CSMD1: variants seen among roughly 807,000 people sequenced by gnomAD.
CSMD1 encodes CUB and sushi domain-containing protein 1.
Under a neutral mutation model 417.5 loss-of-function variants are expected in CSMD1, and 213 were observed. The ratio of observed to expected loss-of-function variants is 0.51; its 90% CI spans 0.46 to 0.57. The LOEUF (loss-of-function observed/expected upper bound fraction) is 0.57. CSMD1 is among the 20% of genes least tolerant of loss of function. CSMD1 has a pLI of 0.00. For missense variants in CSMD1, 6,923 were observed against 4,529.7 expected (o/e 1.53, Z -15.17); for synonymous variants, 2,862 against 1,736.8 (o/e 1.65, Z -16.11).
Position 3,784,673 on chromosome 8 carries a change from T to C in CSMD1, c.819-30631A>G, listed in dbSNP as rs1438953582. Among the ~76,000 whole-genome samples the C allele has an allele frequency of 2.6e-5, 4 of 152,228 alleles. No individual in the cohort carries two copies. In the East Asian group the frequency reaches 7.7e-4, roughly 29 times the overall value. ...TTTGGTTTGGAAATAAGGGATATTGTCAGCAAATTTTCAAATATTCCTGGA... is the reference window on the plus strand; with the variant it reads ...TTTGGTTTGGAAATAAGGGATATTGCCAGCAAATTTTCAAATATTCCTGGA... On this transcript the variant is annotated intron_variant, in intron 5 of 69. Coordinates refer to ENST00000635120, the MANE Select transcript of CSMD1 (RefSeq NM_033225.6).
intron 1 of CSMD1, among the ~76,000 whole-genome samples, chr8:4,877,137 C>G (rs1440577376): frequency 3.9e-5 from 6 of 151,912 alleles, no homozygotes; most frequent in African/African-American, 1.5e-4. Flanking sequence ...TTATCATGCT[C>G]TTTTTCATGA....
chr8:3,246,771 A>G (rs1799910670), intron 26 of CSMD1, among the ~76,000 whole-genome samples: 1 of 152,092 alleles, frequency 6.6e-6, no homozygotes, highest in African/African-American at 2.4e-5. Flanking sequence ...CCGGGCCTGG[A>G]CTTTTTATTT....
chr8:3,701,185 G>C (rs1361966837), intron 7 of CSMD1, among the ~76,000 whole-genome samples: 1 of 152,078 alleles, frequency 6.6e-6, no homozygotes, highest in Non-Finnish European at 1.5e-5. Flanking sequence ...CCCGTGGATA[G>C]GAAGTTCTGG....
intron 1 of CSMD1, among the ~76,000 whole-genome samples, chr8:4,940,966 TTC>T (rs1327116363): frequency 8.2e-4 from 125 of 152,330 alleles, no homozygotes; most frequent in African/African-American, 2.9e-3. Context: ...AGATGGATTT[TTC>T]AAATGTATTT....
intron 2 of CSMD1, among the ~76,000 whole-genome samples, chr8:4,559,433 T>C (rs1798231879): frequency 6.6e-6 from 1 of 152,164 alleles, no homozygotes; most frequent in Admixed American, 6.5e-5. Context: ...GGAGGCTTTA[T>C]GAATAAAGAA....
At chr8:4,333,604 T>C (rs1305470174) in intron 3 of CSMD1, among the ~76,000 whole-genome samples, 1 of 152,210 alleles carries the variant, frequency 6.6e-6, no homozygotes, top group Admixed American at 6.6e-5. Context: ...CTGTTGTTAC[T>C]GATGCAGATA....
intron 3 of CSMD1, among the ~76,000 whole-genome samples, chr8:4,402,637 A>T (rs1015198819): frequency 7.2e-5 from 11 of 152,022 alleles, no homozygotes; most frequent in African/African-American, 2.7e-4. Context: ...TGCAAGACCT[A>T]TCCCTCATCA....
intron 12 of CSMD1, among the ~76,000 whole-genome samples, chr8:3,439,056 G>T (rs1309718887): frequency 7.2e-6 from 1 of 139,806 alleles, no homozygotes; most frequent in Admixed American, 7.4e-5. Context: ...CTGGGAGGTG[G>T]AGGTTGCAGT....
At chr8:4,299,922 C>T (rs535770099) in intron 3 of CSMD1, among the ~76,000 whole-genome samples, 50 of 152,288 alleles carry the variant, frequency 3.3e-4, no homozygotes, top group African/African-American at 1.1e-3. Flanking sequence ...AGCCACTGCG[C>T]CCGGCCCAGA....
intron 31 of CSMD1, among the ~76,000 whole-genome samples, chr8:3,204,909 T>C (rs1474101102): frequency 6.6e-6 from 1 of 152,186 alleles, no homozygotes; most frequent in Non-Finnish European, 1.5e-5. Flanking sequence ...ATTGCATAAA[T>C]GAAGTGCAGA....
At chr8:4,486,047 T>C (rs1041234760) in intron 2 of CSMD1, among the ~76,000 whole-genome samples, 20 of 150,918 alleles carry the variant, frequency 1.3e-4, no homozygotes, top group African/African-American at 4.9e-4. Context: ...CTTCATAAAG[T>C]AATAATATCT....
chr8:3,584,245 C>A (rs544034446), intron 9 of CSMD1, among the ~76,000 whole-genome samples: 3 of 152,228 alleles, frequency 2.0e-5, no homozygotes, highest in African/African-American at 7.2e-5. Flanking sequence ...TTGACAAAGC[C>A]AGGCACTCTT....
intron 50 of CSMD1, among the ~76,000 whole-genome samples, chr8:3,033,584 C>T (rs1810482563): frequency 1.3e-5 from 2 of 151,962 alleles, no homozygotes; most frequent in South Asian, 4.1e-4. Context: ...GAACATCACA[C>T]ACCAGGGCCT....
At chr8:2,954,010 CT>C (rs1398923999) in intron 65 of CSMD1, among the ~76,000 whole-genome samples, 7 of 152,206 alleles carry the variant, frequency 4.6e-5, no homozygotes, top group Admixed American at 4.6e-4. Flanking sequence ...CAAAGGTTTT[CT>C]TTTTAAGGGA....
chr8:4,430,422 C>T (rs766804715), intron 2 of CSMD1, among the ~76,000 whole-genome samples: 45 of 152,100 alleles, frequency 3.0e-4, no homozygotes, highest in African/African-American at 8.7e-4. Context: ...CATAGTCTAC[C>T]TTCTCCCGGG....
intron 5 of CSMD1, among the ~76,000 whole-genome samples, chr8:3,802,051 A>G (rs1247797637): frequency 6.6e-6 from 1 of 152,166 alleles, no homozygotes; most frequent in Non-Finnish European, 1.5e-5. Flanking sequence ...AATTCATGGA[A>G]TTGCACACTT....
intron 26 of CSMD1, among the ~76,000 whole-genome samples, chr8:3,252,751 G>C (rs143761864): frequency 6.6e-6 from 1 of 152,062 alleles, no homozygotes; most frequent in Non-Finnish European, 1.5e-5. Flanking sequence ...CCTGTTATTC[G>C]TCTCTTCAGA....
At chr8:3,611,277 A>G (rs1410351474) in intron 8 of CSMD1, among the ~76,000 whole-genome samples, 2 of 152,008 alleles carry the variant, frequency 1.3e-5, no homozygotes, top group African/African-American at 4.8e-5. Flanking sequence ...TCCTTGAGGG[A>G]GCAGGGAAAA....
At chr8:3,639,503 G>C (rs1473082656) in intron 7 of CSMD1, among the ~76,000 whole-genome samples, 1 of 152,152 alleles carries the variant, frequency 6.6e-6, no homozygotes. Flanking sequence ...AGCACTAAAT[G>C]ACAGTAAAAG....
Sources: gnomAD v4.1 joint callset for allele counts (sites outside exome capture counted in the v4.1 genomes callset) on GRCh38, gnomAD v4.1.1 for gene constraint, MANE v1.5 for transcripts, NCBI Gene and HGNC (gene_info 2026-07-23, HGNC 2026-07-21) for gene names.